The following SNCAIP variants were observed in gnomAD, a reference collection of about 807,000 sequenced individuals.
SNCAIP encodes the protein synphilin-1.
Under a neutral mutation model 86.7 loss-of-function variants are expected in SNCAIP, and 43 were observed. That is an observed-to-expected ratio of 0.50 (90% CI 0.39 to 0.64). The LOEUF is 0.64. Among genes scored for constraint, SNCAIP ranks in the 30% least tolerant of loss-of-function variants. SNCAIP has a pLI of 0.00. For synonymous variants in SNCAIP, 417 were observed against 427.2 expected (o/e 0.98, Z 0.29); for missense variants, 981 against 1,103.1 (o/e 0.89, Z 1.57).
chr5:122,381,917 A>T (rs374630961), intron 1 of SNCAIP, among the ~76,000 whole-genome samples: 1 of 152,090 alleles, frequency 6.6e-6, no homozygotes, highest in Admixed American at 6.5e-5. Context: ...ATCTGCTGTT[A>T]GTCTGATGGG....
chr5:122,439,780 AT>A (rs1008772781), intron 6 of SNCAIP, among the ~76,000 whole-genome samples: 7 of 152,100 alleles, frequency 4.6e-5, no homozygotes, highest in Admixed American at 3.3e-4. Flanking sequence ...CCACTCTCAT[AT>A]TTTTTTAACT....
chr5:122,355,543 A>G (rs1201426934), intron 1 of SNCAIP, among the ~76,000 whole-genome samples: 1 of 152,190 alleles, frequency 6.6e-6, no homozygotes, highest in East Asian at 1.9e-4. Context: ...CATAAACTCA[A>G]CATGCCAGTG....
At chr5:122,387,965 C>G (rs1768555978) in intron 1 of SNCAIP, among the ~76,000 whole-genome samples, 1 of 152,156 alleles carries the variant, frequency 6.6e-6, no homozygotes, top group South Asian at 2.1e-4. Flanking sequence ...GCAGGAGGCA[C>G]CAATACAAAA....
chr5:122,341,990 G>A (rs1203451576), intron 1 of SNCAIP, among the ~76,000 whole-genome samples: 9 of 152,106 alleles, frequency 5.9e-5, no homozygotes, highest in Admixed American at 5.9e-4. Flanking sequence ...TATAAAATAT[G>A]CTTGCTTCCT....
At chr5:122,326,606 C>CTTTTTTTTTTT (rs11297385) in intron 1 of SNCAIP, among the ~76,000 whole-genome samples, 1 of 42,130 alleles carries the variant, frequency 2.4e-5, no homozygotes, top group Non-Finnish European at 3.9e-5. Context: ...GAAATGTCTC[C>CTTTTTTTTTTT]TTTTTTTTTT....
At chr5:122,403,740 A>C in intron 2 of SNCAIP, 53 bp from the exon 3 acceptor site, 358 of 1,270,192 alleles carry the variant, frequency 2.8e-4, no homozygotes, top group Non-Finnish European at 3.8e-4. Context: ...ATCTGAGTGA[A>C]TGCTCGCATT....
At chr5:122,459,087 A>C (rs1785490855) in intron 10 of SNCAIP, among the ~76,000 whole-genome samples, 1 of 152,184 alleles carries the variant, frequency 6.6e-6, no homozygotes, top group South Asian at 2.1e-4. Context: ...AAGTCCACCT[A>C]CCCACAGTGA....
rs547435261 is a variant in SNCAIP, at chr5:122,390,984, C to A, written c.-46-105C>A. ...GAAATGTGCTCCAAGGCAACACTAG[C>A]ACCCAATAACCCTTCTCATCTTATT... On this transcript the variant is annotated intron_variant, in intron 1 of 10. Transcript: ENST00000261368. 1.9e-3 allele frequency: 1,302 copies of A among 677,140 alleles called. 3 individuals carry two copies. Among genetic ancestry groups the A allele is most frequent in the Non-Finnish European group, 2.9e-3 (1,076 of 374,578 alleles). The allele number at this position is 677,140 out of a possible 1,614,324, so 41.9% of individuals were successfully genotyped here.
At chr5:122,417,668 T>C (rs1054450275) in intron 3 of SNCAIP, among the ~76,000 whole-genome samples, 2 of 152,022 alleles carry the variant, frequency 1.3e-5, no homozygotes, top group Non-Finnish European at 2.9e-5. Flanking sequence ...TCCTTCCTCC[T>C]TCCTTCCTTC....
intron 1 of SNCAIP, among the ~76,000 whole-genome samples, chr5:122,334,164 G>A (rs13359847): frequency 0.27 from 41,178 of 151,938 alleles, 6,645 homozygotes; most frequent in African/African-American, 0.46. Flanking sequence ...TAGCACTTAC[G>A]TAGCATATAC....
At chr5:122,417,421 C>G (rs1453593399) in intron 3 of SNCAIP, among the ~76,000 whole-genome samples, 1 of 152,082 alleles carries the variant, frequency 6.6e-6, no homozygotes, top group Non-Finnish European at 1.5e-5. Context: ...TATAGTCTAA[C>G]CCGTTCATTT....
At position 122,417,073 on chromosome 5, in the gene SNCAIP, C is replaced by T. The variant is rs150475739; in HGVS notation, c.131-5795C>T. On this transcript the variant is annotated intron_variant, in intron 3 of 10. Coordinates refer to ENST00000261368, the MANE Select transcript of SNCAIP (RefSeq NM_005460.4). Reference sequence around the variant, plus strand: ...GATGTCTCAAGCTAATTTTCTAATACGGACACATAACTTTCTATTTAGAGG... The same window carrying T: ...GATGTCTCAAGCTAATTTTCTAATATGGACACATAACTTTCTATTTAGAGG... Among the ~76,000 whole-genome samples, 23 of 152,248 alleles carry T rather than the reference C, an allele frequency of 1.5e-4. No homozygotes were observed. In the East Asian group the frequency reaches 4.2e-3, roughly 28 times the overall value.
At chr5:122,379,883 A>G (rs1766290437) in intron 1 of SNCAIP, among the ~76,000 whole-genome samples, 1 of 152,002 alleles carries the variant, frequency 6.6e-6, no homozygotes, top group African/African-American at 2.4e-5. Context: ...CATCCCAGGG[A>G]TGAAGCCCAC....
chr5:122,402,918 T>C (rs916675759), intron 2 of SNCAIP, among the ~76,000 whole-genome samples: 17 of 152,218 alleles, frequency 1.1e-4, no homozygotes, highest in African/African-American at 4.1e-4. Flanking sequence ...TGAATTAAAG[T>C]ATGAATGTGA....
In SNCAIP at chr5:122,450,748, C is replaced by T. The variant is rs1378668010; in HGVS notation, c.1901C>T (p.Thr634Ile). The T allele has an allele frequency of 6.2e-7, 1 of 1,614,072 alleles. No homozygotes were observed. Among genetic ancestry groups the T allele is most frequent in the Admixed American group, 1.7e-5 (1 of 60,018 alleles). ...AAGGAAATCTCAGAAAATGTCTGCA[C>T]CCAGGAAAAACTGTCCTTGGAATTC... Reference protein sequence around the residue: ...LGKEISENVCTQEKLSLEFQD... With the variant: ...LGKEISENVCIQEKLSLEFQD... The change falls in exon 10 of 11, where the codon ACC (threonine) becomes ATC (isoleucine). Residue 634 changes from threonine (T) to isoleucine (I), a missense_variant. By Grantham distance (89) the Thr-to-Ile change is moderately conservative. Coordinates refer to ENST00000261368, the MANE Select transcript of SNCAIP (RefSeq NM_005460.4).
At chr5:122,461,130 G>C (rs1275303016) in intron 10 of SNCAIP, among the ~76,000 whole-genome samples, 1 of 152,164 alleles carries the variant, frequency 6.6e-6, no homozygotes, top group Non-Finnish European at 1.5e-5. Flanking sequence ...GTTTGACTCA[G>C]TATAGGATTC....
At chr5:122,358,122 T>C (rs908909084) in intron 1 of SNCAIP, among the ~76,000 whole-genome samples, 7 of 150,918 alleles carry the variant, frequency 4.6e-5, no homozygotes, top group Admixed American at 4.6e-4. Flanking sequence ...CTAAACAGAG[T>C]TAATTTTCAG....
intron 10 of SNCAIP, among the ~76,000 whole-genome samples, chr5:122,458,500 ATC>A (rs1785335991): frequency 6.6e-6 from 1 of 152,226 alleles, no homozygotes; most frequent in African/African-American, 2.4e-5. Context: ...GCCTGCCTGT[ATC>A]TCTTAAGGCT....
intron 1 of SNCAIP, among the ~76,000 whole-genome samples, chr5:122,374,806 A>C (rs1035562781): frequency 5.3e-5 from 8 of 152,206 alleles, no homozygotes; most frequent in Admixed American, 3.9e-4. Context: ...TGTGTTTAAA[A>C]AACAACATAT....
Sources: gnomAD v4.1 joint callset for allele counts (sites outside exome capture counted in the v4.1 genomes callset) on GRCh38, gnomAD v4.1.1 for gene constraint, MANE v1.5 for transcripts, NCBI Gene and HGNC (gene_info 2026-07-23, HGNC 2026-07-21) for gene names.